BRCA2: variants seen among roughly 807,000 people sequenced by gnomAD.
BRCA2 encodes BRCA2 DNA repair associated.
A neutral mutation model predicts 276.7 loss-of-function variants in BRCA2; 203 were observed. That is an observed-to-expected ratio of 0.73 (90% confidence interval 0.65 to 0.82). The LOEUF is 0.82. Ranked by LOEUF, BRCA2 falls within the 40% of genes least tolerant of loss-of-function variation. The pLI is 0.00. For synonymous variants in BRCA2, 1,289 were observed against 1,338.4 expected (o/e 0.96, Z 0.81); for missense variants, 3,920 against 3,915.0 (o/e 1.00, Z -0.03).
rs80358879 is a variant in BRCA2, at chr13:32,340,796, C to T, written c.6441C>T (p.His2147=). 1.6e-5 allele frequency: 26 copies of T among 1,593,842 alleles called. No individual in the cohort carries two copies. The highest frequency in any genetic ancestry group is 2.1e-5 in the Non-Finnish European group (25 of 1,174,010). Residue 2147 remains histidine, a synonymous_variant, in exon 11 of 27, where the codon CAC becomes CAT. Coordinates refer to ENST00000380152, the MANE Select transcript of BRCA2 (RefSeq NM_000059.4). ...NVEGGSSENN[H]SIKVSPYLSQ... is the part of the protein sequence containing the mutation. ...AAGGTGGTTCTTCAGAAAATAATCA[C>T]TCTATTAAAGTTTCTCCATATCTCT...
intron 3 of BRCA2, among the ~76,000 whole-genome samples, chr13:32,320,386 CAT>C (rs1432845737): frequency 1.1e-4 from 17 of 152,186 alleles, no homozygotes; most frequent in Non-Finnish European, 7.3e-5. Context: ...CTCAGCTTGC[CAT>C]ATTCATCCTC....
Position 32,339,183 on chromosome 13 carries a change from G to A in BRCA2, c.4828G>A (p.Val1610Met), listed in dbSNP as rs80358705. 113 of 1,613,594 alleles carry A rather than the reference G, an allele frequency of 7.0e-5. No individual in the cohort carries two copies. Among genetic ancestry groups the A allele is most frequent in the Non-Finnish European group, 9.0e-5 (106 of 1,179,718 alleles). ...TAAAAACCTTGTTTCTATTGAGACTGTGGTGCCACCTAAGCTCTTAAGTGA... is the reference window on the plus strand; with the variant it reads ...TAAAAACCTTGTTTCTATTGAGACTATGGTGCCACCTAAGCTCTTAAGTGA... ...NDKNLVSIET[V>M]VPPKLLSDNL... The change falls in exon 11 of 27, where the codon GTG becomes ATG. Residue 1610 changes from valine (V) to methionine (M), a missense_variant. Physicochemically the swap from Val to Met is conservative, Grantham distance 21. Coordinates refer to ENST00000380152, the MANE Select transcript of BRCA2 (RefSeq NM_000059.4).
intron 18 of BRCA2, among the ~76,000 whole-genome samples, chr13:32,364,365 C>T (rs1200779395): frequency 6.6e-6 from 1 of 152,166 alleles, no homozygotes; most frequent in Non-Finnish European, 1.5e-5. Context: ...AAGAGGCAAT[C>T]GTTTCCAGTC....
At chr13:32,390,380 G>A (rs1440107115) in intron 24 of BRCA2, among the ~76,000 whole-genome samples, 1 of 151,850 alleles carries the variant, frequency 6.6e-6, no homozygotes, top group Non-Finnish European at 1.5e-5. Flanking sequence ...AAGGCTAGGA[G>A]TTTGGGACAA....
chr13:32,320,437 CT>C (rs923388117), intron 3 of BRCA2, among the ~76,000 whole-genome samples: 9 of 152,194 alleles, frequency 5.9e-5, no homozygotes, highest in Non-Finnish European at 1.0e-4. Context: ...TACTGAATTT[CT>C]TTTCGTTACC....
rs2072674665 is a variant in BRCA2 at position 32,354,709 on chromosome 13, G to A, written c.7008-152G>A. ...GTCAAAGGCTAGCCTTGAAAAATGT[G>A]ATATTGTTTTGGAATGGCAACCATG... On this transcript the variant is annotated intron_variant, in intron 13 of 26. Transcript: ENST00000380152. 6.1e-6 allele frequency: 4 copies of A among 654,770 alleles called. No individual in the cohort carries two copies. The East Asian group carries it at 1.1e-4, about 18-fold the overall frequency. The allele number at this position is 654,770 out of a possible 1,614,324, so 40.6% of individuals were successfully genotyped here. A position where few individuals can be genotyped will look rare whatever the true frequency, so the allele number is the denominator to read the frequency against.
rs1443304067 is a variant in BRCA2, at chr13:32,338,861, A to C, written c.4506A>C (p.Gln1502His). Residue 1502 changes from glutamine to histidine, a missense_variant, in exon 11 of 27, where the codon CAA (glutamine) becomes CAC (histidine). Physicochemically the swap from Gln to His is conservative, Grantham distance 24 (BLOSUM62 0). Transcript: ENST00000380152. ...KESVPVGTGN[Q>H]LVTFQGQPER... ...GTGTCCCAGTTGGTACTGGAAATCA[A>C]CTAGTGACCTTCCAGGGACAACCCG... The C allele has an allele frequency of 6.2e-7, 1 of 1,613,994 alleles. No homozygotes were observed. The highest frequency in any genetic ancestry group is 1.1e-5 in the South Asian group (1 of 91,076).
chr13:32,366,868 CAAA>C (rs35628833), intron 18 of BRCA2, among the ~76,000 whole-genome samples: 5 of 116,042 alleles, frequency 4.3e-5, no homozygotes, highest in Admixed American at 8.7e-5. Context: ...TCAAAAAGAA[CAAA>C]AAAAAAAAAA....
At chr13:32,395,960 CTTTTTTT>C (rs397838402) in intron 25 of BRCA2, 12 of 79,162 alleles carry the variant, frequency 1.5e-4, no homozygotes, top group East Asian at 1.0e-3. Context: ...TTCTTTCTTT[CTTTTTTT>C]TTTTTTTTTT....
chr13:32,338,673 A>G lies in BRCA2; in HGVS notation c.4318A>G (p.Lys1440Glu), dbSNP rs80358668. ...AAGTGGGAAAAATATTAGTGTCGCCAAAGAGTCATTTAATAAAATTGTAAA... is the reference window on the plus strand; with the variant it reads ...AAGTGGGAAAAATATTAGTGTCGCCGAAGAGTCATTTAATAAAATTGTAAA... ...TASGKNISVA[K>E]ESFNKIVNFF... Residue 1440 changes from lysine to glutamate, a missense_variant, in exon 11 of 27, where the codon AAA (lysine) becomes GAA (glutamate). Around this residue, in one of 2 missense-constraint regions of BRCA2, gnomAD observed 3,263 missense variants for 3,156.9 expected, o/e 1.03. Transcript: ENST00000380152. 1.9e-6 allele frequency: 3 copies of G among 1,596,044 alleles called. No individual in the cohort carries two copies. Among genetic ancestry groups the G allele is most frequent in the African/African-American group, 2.7e-5 (2 of 74,254 alleles).
rs1168538076 is a variant in BRCA2 at position 32,344,906 on chromosome 13, T to G, written c.6937+253T>G. 2.6e-5 allele frequency among the ~76,000 whole-genome samples: 4 copies of G among 152,172 alleles called. No homozygotes were observed. The South Asian group carries it at 8.3e-4, about 32-fold the overall frequency. On this transcript the variant is annotated intron_variant, in intron 12 of 26. Coordinates refer to ENST00000380152, the MANE Select transcript of BRCA2 (RefSeq NM_000059.4). ...ATTAATGTTAAAATTAGTAATATTA[T>G]GCGTTGGTCATTTGGAAGATATGAG...
Position 32,394,709 on chromosome 13 carries a change from T to C in BRCA2, c.9277T>C (p.Leu3093=), listed in dbSNP as rs2073020925. 6.2e-7 allele frequency: 1 copy of C among 1,613,620 alleles called. No individual in the cohort carries two copies. The highest frequency in any genetic ancestry group is 8.5e-7 in the Non-Finnish European group (1 of 1,179,636). ...TCTAGGACTTGCCCCTTTCGTCTAT[T>C]TGTCAGACGAATGTTACAATTTACT... ...KKTGLAPFVY[L]SDECYNLLAI... Residue 3093 remains leucine (L), a synonymous_variant, in exon 25 of 27, where the codon TTG becomes CTG. Transcript: ENST00000380152.
Position 32,394,717 on chromosome 13 carries a change from C to G in BRCA2, c.9285C>G (p.Asp3095Glu), listed in dbSNP as rs80359198. 2 of 1,613,472 alleles carry G rather than the reference C, an allele frequency of 1.2e-6. No individual in the cohort carries two copies. Among genetic ancestry groups the G allele is most frequent in the Non-Finnish European group, 1.7e-6 (2 of 1,179,688 alleles). The change falls in exon 25 of 27, where the codon GAC becomes GAG. Residue 3095 changes from aspartate to glutamate, a missense_variant. Asp to Glu is a conservative substitution (Grantham distance 45, BLOSUM62 2). Transcript: ENST00000380152. Reference protein sequence around the residue: ...TGLAPFVYLSDECYNLLAIKF... With the variant: ...TGLAPFVYLSEECYNLLAIKF... ...TTGCCCCTTTCGTCTATTTGTCAGACGAATGTTACAATTTACTGGCAATAA... is the reference window on the plus strand; with the variant it reads ...TTGCCCCTTTCGTCTATTTGTCAGAGGAATGTTACAATTTACTGGCAATAA...
chr13:32,352,336 A>C (rs1487298990), intron 13 of BRCA2, among the ~76,000 whole-genome samples: 1 of 152,156 alleles, frequency 6.6e-6, no homozygotes, highest in Non-Finnish European at 1.5e-5. Context: ...TAATGTATTT[A>C]ACAAACAAAC....
rs2320236 is a variant in BRCA2 at position 32,336,191 on chromosome 13, T to C, written c.1910-74T>C. 0.19 allele frequency: 280,640 copies of C among 1,485,862 alleles called. 27,614 individuals carry two copies. The highest frequency in any genetic ancestry group is 0.22 in the Admixed American group (9,888 of 45,778). 92.0% of individuals were successfully genotyped at this position (1,485,862 alleles called of 1,614,324 possible). On this transcript the variant is annotated intron_variant, in intron 10 of 26. Transcript: ENST00000380152. ...CCACTGTGCCCAAACACTACCTTTT[T>C]AACTTAGTGAAAAATATTTAGTGAA...
At chr13:32,324,200 T>C (rs923278784) in intron 3 of BRCA2, among the ~76,000 whole-genome samples, 1 of 151,986 alleles carries the variant, frequency 6.6e-6, no homozygotes, top group Non-Finnish European at 1.5e-5. Flanking sequence ...AGGGAACACA[T>C]AGGGGGGCAA....
At chr13:32,363,972 A>G (rs991792448) in intron 18 of BRCA2, among the ~76,000 whole-genome samples, 3 of 152,240 alleles carry the variant, frequency 2.0e-5, no homozygotes, top group Admixed American at 6.5e-5. Flanking sequence ...CAGTATTGCT[A>G]TCTGAAATTA....
chr13:32,385,906 A>G (rs572815403), intron 24 of BRCA2: 2 of 160,714 alleles, frequency 1.2e-5, no homozygotes, highest in South Asian at 3.7e-4. Flanking sequence ...AGAAAAAGGC[A>G]TAATTTTCAA....
intron 21 of BRCA2, 116 bp from the exon 22 acceptor site, chr13:32,379,201 C>A: frequency 1.1e-6 from 1 of 926,696 alleles, no homozygotes; most frequent in Non-Finnish European, 1.7e-6. Flanking sequence ...ATTAACCACA[C>A]CCTTAAGATG....
Sources: gnomAD v4.1 joint callset for allele counts (sites outside exome capture counted in the v4.1 genomes callset) on GRCh38, gnomAD v4.1.1 for gene constraint, gnomAD v4.1.1 regional missense constraint, MANE v1.5 for transcripts, NCBI Gene and HGNC (gene_info 2026-07-23, HGNC 2026-07-21) for gene names.